PIP4P2: variants seen among roughly 807,000 people sequenced by gnomAD.
PIP4P2 encodes phosphatidylinositol-4,5-bisphosphate 4-phosphatase 2, also known as type 2 phosphatidylinositol 4,5-bisphosphate 4-phosphatase.
In PIP4P2, 19 loss-of-function variants were observed where a neutral mutation model predicts 33.3. The observed-to-expected ratio is 0.57, with a 90% CI of 0.40 to 0.84. PIP4P2 has a LOEUF of 0.84. Ranked by LOEUF, PIP4P2 falls within the 40% of genes least tolerant of loss-of-function variation. The pLI, the probability that PIP4P2 is intolerant of heterozygous loss-of-function variation, is 0.00. For synonymous variants in PIP4P2, 110 were observed against 111.9 expected, an observed-to-expected ratio of 0.98 and a Z score of 0.11; for missense variants, 270 against 324.7, an observed-to-expected ratio of 0.83 and a Z score of 1.29.
chr8:91,008,713 CAA>C, intron 5 of PIP4P2, 28 bp downstream of exon 5: 2 of 1,600,850 alleles, frequency 1.2e-6, no homozygotes, highest in Non-Finnish European at 1.7e-6. Context: ...AAGTATTTCT[CAA>C]TAATATTTCC....
intron 1 of PIP4P2, among the ~76,000 whole-genome samples, chr8:91,033,989 G>A (rs1316138750): frequency 2.6e-5 from 4 of 151,622 alleles, no homozygotes; most frequent in African/African-American, 2.4e-5. Flanking sequence ...TGCTGTTCCC[G>A]TTGCCTGGAG....
chr8:91,005,683 A>C (rs140949370), intron 5 of PIP4P2, among the ~76,000 whole-genome samples: 1 of 152,372 alleles, frequency 6.6e-6, no homozygotes, highest in Non-Finnish European at 1.5e-5. Flanking sequence ...AATGGATAAC[A>C]CTTGAGAATA....
chr8:91,019,679 T>C (rs1471594644), intron 3 of PIP4P2, among the ~76,000 whole-genome samples: 2 of 151,640 alleles, frequency 1.3e-5, no homozygotes, highest in African/African-American at 2.4e-5. Flanking sequence ...GCCCAAATGA[T>C]ACTCCTGCCT....
At chr8:91,024,437 TAATTA>T (rs1369163843) in intron 1 of PIP4P2, 4 of 322,348 alleles carry the variant, frequency 1.2e-5, no homozygotes, top group African/African-American at 4.4e-5. Flanking sequence ...AAACCTATAA[TAATTA>T]AATTAACTTA....
chr8:91,010,661 T>C (rs1811821790), intron 4 of PIP4P2, among the ~76,000 whole-genome samples: 1 of 151,918 alleles, frequency 6.6e-6, no homozygotes, highest in Non-Finnish European at 1.5e-5. Context: ...TCTTATAATT[T>C]ATTCAAATGA....
rs377397344 is a variant in PIP4P2, at chr8:91,023,290, G to A, written c.107-1886C>T. Among the ~76,000 whole-genome samples, 44 of 151,720 alleles carry A rather than the reference G, an allele frequency of 2.9e-4. No individual in the cohort carries two copies. The East Asian group carries it at 4.5e-3, about 15-fold the overall frequency. On this transcript the variant is annotated intron_variant, in intron 1 of 6. Coordinates refer to ENST00000285419, the MANE Select transcript of PIP4P2 (RefSeq NM_018710.3). Reference sequence around the variant, plus strand: ...TACAGTAACATTACATAGTTCTCTCGTAATCCCAGGTCTCTATCTTACACA... The same window carrying A: ...TACAGTAACATTACATAGTTCTCTCATAATCCCAGGTCTCTATCTTACACA...
rs181285065 is a variant in PIP4P2 at position 91,017,036 on chromosome 8, T to C, written c.486+1354A>G. 2.0e-5 allele frequency among the ~76,000 whole-genome samples: 3 copies of C among 152,256 alleles called. No homozygotes were observed. In the East Asian group the frequency reaches 5.8e-4, roughly 29 times the overall value. On this transcript the variant is annotated intron_variant, in intron 4 of 6. Transcript: ENST00000285419. The stretch of plus-strand genomic sequence containing the variant: ...AAAAATTGTAAACACTAAGTATTAA[T>C]TAAACAAAATGTTGCAATTTGACTG...
At chr8:91,029,393 T>C (rs1812128263) in intron 1 of PIP4P2, among the ~76,000 whole-genome samples, 1 of 152,160 alleles carries the variant, frequency 6.6e-6, no homozygotes, top group Non-Finnish European at 1.5e-5. Context: ...ATGGAGTTCT[T>C]CCCTTTGTCA....
chr8:91,040,682 G>A lies in PIP4P2; in HGVS notation c.68C>T (p.Pro23Leu), dbSNP rs1391225136. 6.2e-7 allele frequency: 1 copy of A among 1,613,378 alleles called. No homozygotes were observed. Among genetic ancestry groups the A allele is most frequent in the African/African-American group, 1.3e-5 (1 of 74,878 alleles). ...LSASHSGNVT[P>L]TAPPYLQESS... ...TTCTTGCAAGTACGGTGGGGCGGTGGGAGTGACATTTCCGGAGTGGGATGC... is the reference window on the plus strand; with the variant it reads ...TTCTTGCAAGTACGGTGGGGCGGTGAGAGTGACATTTCCGGAGTGGGATGC... The change falls in exon 1 of 7, where the codon CCC becomes CTC. Residue 23 changes from proline to leucine, a missense_variant. Coordinates refer to ENST00000285419, the MANE Select transcript of PIP4P2 (RefSeq NM_018710.3).
intron 2 of PIP4P2, among the ~76,000 whole-genome samples, 173 bp downstream of exon 2, chr8:91,021,083 A>G (rs1812002428): frequency 6.6e-6 from 1 of 152,250 alleles, no homozygotes; most frequent in African/African-American, 2.4e-5. Context: ...TTAGCTTTAA[A>G]CACAGTGAGG....
chr8:91,031,087 G>A (rs1812156912), intron 1 of PIP4P2, among the ~76,000 whole-genome samples: 2 of 152,284 alleles, frequency 1.3e-5, no homozygotes, highest in South Asian at 2.1e-4. Flanking sequence ...TTGTATTCAG[G>A]CATGTCTGAT....
At chr8:90,995,850 T>C (rs1811622204) in intron 6 of PIP4P2, 30 bp from the exon 7 acceptor site, 1 of 1,573,256 alleles carries the variant, frequency 6.4e-7, no homozygotes, top group South Asian at 1.2e-5. Context: ...AAAAACAAAA[T>C]ATTAGAAACT....
chr8:91,040,578 A>T, intron 1 of PIP4P2, 66 bp downstream of exon 1: 1 of 1,576,090 alleles, frequency 6.3e-7, no homozygotes, highest in East Asian at 2.2e-5. Context: ...CCAGGTCTTT[A>T]TCCTTCTGGG....
Position 90,994,629 on chromosome 8 carries a change from T to C in PIP4P2, c.*1048A>G, listed in dbSNP as rs1340289396. On this transcript the variant is annotated 3_prime_UTR_variant, in exon 7 of 7. Transcript: ENST00000285419. ...AAATTATGTTGTTCTTTATTTCTGA[T>C]CTATTTTCTTGAATAATTTGGGTAA... The C allele has an allele frequency of 6.6e-6, 1 of 152,526 alleles. No individual in the cohort carries two copies. The highest frequency in any genetic ancestry group is 1.5e-5 in the Non-Finnish European group (1 of 67,936). The allele number at this position is 152,526 out of a possible 1,614,324, so 9.4% of individuals were successfully genotyped here.
chr8:91,022,320 A>C (rs1292218250), intron 1 of PIP4P2, among the ~76,000 whole-genome samples: 1 of 152,172 alleles, frequency 6.6e-6, no homozygotes, highest in African/African-American at 2.4e-5. Context: ...TGACTCAGTG[A>C]GTGAGTGAAG....
intron 4 of PIP4P2, chr8:91,016,697 T>G (rs1811920139): frequency 6.6e-6 from 1 of 152,028 alleles, no homozygotes; most frequent in African/African-American, 2.4e-5. Flanking sequence ...AGGAATAAAC[T>G]AAGAACTCTG....
At chr8:91,013,896 C>T (rs906192071) in intron 4 of PIP4P2, among the ~76,000 whole-genome samples, 1 of 152,060 alleles carries the variant, frequency 6.6e-6, no homozygotes, top group Non-Finnish European at 1.5e-5. Flanking sequence ...TTCTAATTTA[C>T]GTACTTAGTC....
chr8:91,006,573 A>C (rs890694248), intron 5 of PIP4P2, among the ~76,000 whole-genome samples: 7 of 152,206 alleles, frequency 4.6e-5, no homozygotes, highest in Non-Finnish European at 1.0e-4. Context: ...AAATTACAAA[A>C]ATCATCCCTG....
chr8:91,029,996 T>C (rs543765158), intron 1 of PIP4P2, among the ~76,000 whole-genome samples: 14 of 151,790 alleles, frequency 9.2e-5, no homozygotes, highest in Admixed American at 3.3e-4. Flanking sequence ...CAAAAAGATA[T>C]ATAGTACAAA....
Sources: allele counts gnomAD v4.1 joint callset (sites outside exome capture counted in the v4.1 genomes callset), GRCh38; gene constraint gnomAD v4.1.1; transcripts MANE v1.5; gene names NCBI Gene and HGNC (gene_info 2026-07-23, HGNC 2026-07-21).